Variants in KDM6A observed in about 807,000 individuals in gnomAD.
KDM6A encodes lysine demethylase 6A.
KDM6A carries 11 observed loss-of-function variants against 117.6 expected under a neutral mutation model. That is an observed-to-expected ratio of 0.09 (90% CI 0.06 to 0.15). The LOEUF (loss-of-function observed/expected upper bound fraction) is 0.15. Ranked by LOEUF, KDM6A falls within the 10% of genes least tolerant of loss-of-function variation. KDM6A has a pLI of 1.00. For missense variants in KDM6A, 799 were observed against 1,077.3 expected, an observed-to-expected ratio of 0.74 and a Z score of 3.62; for synonymous variants, 384 against 396.1, an observed-to-expected ratio of 0.97 and a Z score of 0.36.
chrX:44,885,473 C>T (rs1348025409), intron 2 of KDM6A, among the ~76,000 whole-genome samples: 1 of 110,837 alleles, frequency 9.0e-6, no homozygotes, highest in African/African-American at 3.3e-5. Context: ...TGAAAAGTGA[C>T]AGAAAGGATG....
intron 6 of KDM6A, among the ~76,000 whole-genome samples, chrX:45,032,612 G>A (rs1413066513): frequency 9.0e-6 from 1 of 110,987 alleles, no homozygotes; most frequent in Non-Finnish European, 1.9e-5. Context: ...CCACCATGCC[G>A]GCTAATTTTT....
chrX:44,890,226 G>A (rs185346359), intron 2 of KDM6A, among the ~76,000 whole-genome samples: 1 of 112,396 alleles, frequency 8.9e-6, no homozygotes, highest in African/African-American at 3.2e-5. Flanking sequence ...TCCTTGGAGA[G>A]TTATCTAAGT....
At chrX:44,896,804 AT>A (rs1203749490) in intron 2 of KDM6A, among the ~76,000 whole-genome samples, 37 of 99,137 alleles carry the variant, frequency 3.7e-4, no homozygotes, top group Middle Eastern at 5.3e-3. Context: ...GTGTTGTGCT[AT>A]TTTTTTTTTT....
intron 2 of KDM6A, among the ~76,000 whole-genome samples, chrX:44,884,879 G>A (rs1234074244): frequency 9.0e-6 from 1 of 111,509 alleles, no homozygotes. Flanking sequence ...GTATCTTGAA[G>A]GTATCTCAAA....
intron 2 of KDM6A, among the ~76,000 whole-genome samples, chrX:44,899,004 G>GGTGGGTGTGTGTGT (rs2034122792): frequency 1.3e-5 from 1 of 79,642 alleles, no homozygotes; most frequent in African/African-American, 6.3e-5. Flanking sequence ...GGAGAGGGAG[G>GGTGGGTGTGTGTGT]GTGTGTGTGT....
intron 7 of KDM6A, among the ~76,000 whole-genome samples, chrX:45,036,561 G>A (rs1341765989): frequency 9.0e-6 from 1 of 111,714 alleles, no homozygotes. Flanking sequence ...TCTAATATAA[G>A]GTTAGATTTG....
intron 6 of KDM6A, among the ~76,000 whole-genome samples, chrX:45,032,103 A>C (rs2042624252): frequency 9.0e-6 from 1 of 111,172 alleles, no homozygotes; most frequent in African/African-American, 3.3e-5. Flanking sequence ...TTCCGCCTTC[A>C]GGTTTGTATA....
At chrX:44,909,499 T>C (rs1225531948) in intron 2 of KDM6A, among the ~76,000 whole-genome samples, 1 of 110,945 alleles carries the variant, frequency 9.0e-6, no homozygotes, top group East Asian at 2.8e-4. Context: ...CAAATGATTA[T>C]ATTTTGATCA....
chrX:45,085,222 G>A lies in KDM6A; in HGVS notation c.3590-643G>A, dbSNP rs77482589. On this transcript the variant is annotated intron_variant, in intron 24 of 29. Transcript: ENST00000611820. ...GGGTAAACACTGTTCCTGGAGATTA[G>A]TTCATAAGGAAAAAAATGGTAATGA... Among the ~76,000 whole-genome samples the A allele has an allele frequency of 1.7e-4, 19 of 111,663 alleles. No homozygotes were observed. In the East Asian group the frequency reaches 4.8e-3, roughly 28 times the overall value.
intron 2 of KDM6A, among the ~76,000 whole-genome samples, chrX:44,891,936 AGT>A (rs893002381): frequency 8.9e-5 from 10 of 112,754 alleles, no homozygotes; most frequent in South Asian, 3.6e-4. Context: ...TGCTTAGACC[AGT>A]ATAAGCATGC....
intron 6 of KDM6A, among the ~76,000 whole-genome samples, chrX:45,021,529 A>G (rs1257699856): frequency 9.0e-6 from 1 of 111,552 alleles, no homozygotes; most frequent in Non-Finnish European, 1.9e-5. Flanking sequence ...GGTTGGGGAG[A>G]TAAAGAATGA....
chrX:44,900,790 G>C (rs893698242), intron 2 of KDM6A, among the ~76,000 whole-genome samples: 2 of 111,363 alleles, frequency 1.8e-5, no homozygotes, highest in Admixed American at 9.6e-5. Context: ...CCAGCTACTC[G>C]GGCGGCTGAG....
chrX:45,041,597 T>G (rs1216177174), intron 8 of KDM6A, among the ~76,000 whole-genome samples: 8 of 109,712 alleles, frequency 7.3e-5, no homozygotes, highest in Non-Finnish European at 1.1e-4. Context: ...GCAGAGACGC[T>G]CCTCACCTCC....
At chrX:45,026,041 T>A (rs2042352043) in intron 6 of KDM6A, among the ~76,000 whole-genome samples, 1 of 112,024 alleles carries the variant, frequency 8.9e-6, no homozygotes, top group South Asian at 3.7e-4. Context: ...GTTTCTTGAA[T>A]GGGTAGATAA....
intron 4 of KDM6A, among the ~76,000 whole-genome samples, chrX:44,974,939 G>A (rs2039546343): frequency 1.8e-5 from 2 of 111,482 alleles, no homozygotes; most frequent in South Asian, 7.4e-4. Flanking sequence ...ACATTTTACT[G>A]GTCAAATGTA....
At chrX:44,951,925 C>T (rs1393295894) in intron 2 of KDM6A, among the ~76,000 whole-genome samples, 1 of 111,181 alleles carries the variant, frequency 9.0e-6, no homozygotes, top group Non-Finnish European at 1.9e-5. Flanking sequence ...TGTAATAGAC[C>T]CCATTTCATA....
In KDM6A at chrX:44,961,396, A is replaced by T. The variant is rs1264434787; in HGVS notation, c.334+4A>T. 9.3e-7 allele frequency: 1 copy of T among 1,080,074 alleles called. No individual in the cohort carries two copies. Among genetic ancestry groups the T allele is most frequent in the Non-Finnish European group, 1.3e-6 (1 of 777,833 alleles). The allele number at this position is 1,080,074 out of a possible 1,213,427, so 89.0% of individuals were successfully genotyped here. On this transcript the variant is annotated splice_donor_region_variant and intron_variant, in intron 3 of 29. Coordinates refer to ENST00000611820, the MANE Select transcript of KDM6A (RefSeq NM_001291415.2). ...TTATTGGAAGATTATCCAAAAGGTA[A>T]TTTTTTTCTTGTTCATTATTGTTTG...
At chrX:45,094,708 T>C (rs1386862599) in intron 27 of KDM6A, among the ~76,000 whole-genome samples, 1 of 111,856 alleles carries the variant, frequency 8.9e-6, no homozygotes, top group Non-Finnish European at 1.9e-5. Context: ...CTCCAAGTAA[T>C]GTTCTCTTCC....
At chrX:44,977,497 CAAGT>C (rs1268767754) in intron 4 of KDM6A, among the ~76,000 whole-genome samples, 1 of 111,446 alleles carries the variant, frequency 9.0e-6, no homozygotes, top group African/African-American at 3.3e-5. Context: ...TCACTGGCCT[CAAGT>C]AATTCTCCCA....
Sources: allele counts gnomAD v4.1 joint callset (sites outside exome capture counted in the v4.1 genomes callset), GRCh38; gene constraint gnomAD v4.1.1; transcripts MANE v1.5; gene names NCBI Gene and HGNC (gene_info 2026-07-23, HGNC 2026-07-21).